The following CLASP1 variants were observed in gnomAD, a reference collection of about 807,000 sequenced individuals.
CLASP1 encodes the protein cytoplasmic linker associated protein 1.
Under a neutral mutation model 192.3 loss-of-function variants are expected in CLASP1, and 38 were observed. That is an observed-to-expected ratio of 0.20 (90% CI 0.15 to 0.26). CLASP1 has a LOEUF of 0.26. Among genes scored for constraint, CLASP1 ranks in the 10% least tolerant of loss-of-function variants. The probability of loss-of-function intolerance (pLI) is 1.00; values close to 1 mark genes in which losing one functional copy is unlikely to be tolerated. For missense variants in CLASP1, 1,433 were observed against 1,932.5 expected, an observed-to-expected ratio of 0.74 and a Z score of 4.85; for synonymous variants, 691 against 712.8, an observed-to-expected ratio of 0.97 and a Z score of 0.49.
At chr2:121,429,676 A>C (rs2081048647) in intron 20 of CLASP1, among the ~76,000 whole-genome samples, 1 of 152,244 alleles carries the variant, frequency 6.6e-6, no homozygotes, top group Non-Finnish European at 1.5e-5. Flanking sequence ...TAATGGATTT[A>C]CTTATTTACC....
intron 37 of CLASP1, among the ~76,000 whole-genome samples, chr2:121,350,250 TCA>T (rs2064115616): frequency 1.3e-5 from 2 of 152,210 alleles, no homozygotes; most frequent in Non-Finnish European, 2.9e-5. Context: ...GCCCACAGCT[TCA>T]GTCATCCCAG....
intron 2 of CLASP1, chr2:121,530,908 T>TA: frequency 1.4e-6 from 1 of 697,750 alleles, no homozygotes; most frequent in Non-Finnish European, 2.6e-6. Flanking sequence ...GTTGCGCTAC[T>TA]GTCCAATGAG....
In CLASP1 at chr2:121,364,988, G is replaced by A. The variant is rs369627621; in HGVS notation, c.4077+106C>T. ...ACAAATAAATGTTTTGATGTAAACA[G>A]TAAGCACAACCCAGAAAGTAAAGCT... On this transcript the variant is annotated intron_variant, in intron 36 of 39. Transcript: ENST00000263710. The A allele has an allele frequency of 2.3e-5, 24 of 1,041,194 alleles. 1 individual carries two copies. Among genetic ancestry groups the A allele is most frequent in the African/African-American group, 1.6e-4 (10 of 63,482 alleles). The allele number at this position is 1,041,194 out of a possible 1,614,324, so 64.5% of individuals were successfully genotyped here.
intron 1 of CLASP1, among the ~76,000 whole-genome samples, chr2:121,642,961 C>T (rs1405359976): frequency 2.6e-5 from 4 of 152,190 alleles, no homozygotes; most frequent in Non-Finnish European, 4.4e-5. Flanking sequence ...CTCCACTGGT[C>T]TCTCAACTTT....
chr2:121,625,680 C>T (rs1204536679), intron 1 of CLASP1, among the ~76,000 whole-genome samples: 3 of 151,724 alleles, frequency 2.0e-5, no homozygotes, highest in Non-Finnish European at 4.4e-5. Context: ...GTGATCTGCC[C>T]GCCTTGGCCT....
At chr2:121,385,503 C>T (rs1275529394) in intron 32 of CLASP1, among the ~76,000 whole-genome samples, 3 of 152,170 alleles carry the variant, frequency 2.0e-5, no homozygotes, top group African/African-American at 7.2e-5. Context: ...TTGAAAAACA[C>T]AATTTTTAAT....
chr2:121,533,188 G>C (rs1253915386), intron 2 of CLASP1, among the ~76,000 whole-genome samples: 1 of 152,184 alleles, frequency 6.6e-6, no homozygotes. Flanking sequence ...GGAAACTCCC[G>C]AAGAAGACTG....
chr2:121,457,786 A>G, intron 13 of CLASP1, 29 bp from the exon 14 acceptor site: 1 of 1,539,774 alleles, frequency 6.5e-7, no homozygotes, highest in Non-Finnish European at 8.9e-7. Context: ...AACAGAGGTC[A>G]ACACTTGCAA....
At chr2:121,422,350 T>A (rs1170886376) in intron 22 of CLASP1, among the ~76,000 whole-genome samples, 1 of 152,204 alleles carries the variant, frequency 6.6e-6, no homozygotes. Flanking sequence ...TGTTTAATTA[T>A]TTCAAAGTAT....
chr2:121,615,077 C>T (rs1187368392), intron 1 of CLASP1, among the ~76,000 whole-genome samples: 3 of 152,186 alleles, frequency 2.0e-5, no homozygotes, highest in African/African-American at 7.2e-5. Context: ...CAGTGGCTCA[C>T]GCCTGTAATC....
rs142246861 is a variant in CLASP1 at position 121,572,297 on chromosome 2, G to A, written c.195+33404C>T. Among the ~76,000 whole-genome samples the A allele has an allele frequency of 9.3e-3, 1,409 of 152,130 alleles. 19 individuals carry two copies. The highest frequency in any genetic ancestry group is 0.032 in the African/African-American group (1,348 of 41,496). ...CAAAAAATTAGCAGGGCATGGTGGCGGGCACCTGTAGTCCCAGCTACTCAG... is the reference window on the plus strand; with the variant it reads ...CAAAAAATTAGCAGGGCATGGTGGCAGGCACCTGTAGTCCCAGCTACTCAG... On this transcript the variant is annotated intron_variant, in intron 2 of 39. Coordinates refer to ENST00000263710, the Ensembl canonical transcript of CLASP1.
chr2:121,391,654 G>A (rs1054525830), intron 30 of CLASP1, among the ~76,000 whole-genome samples: 1 of 152,170 alleles, frequency 6.6e-6, no homozygotes, highest in African/African-American at 2.4e-5. Flanking sequence ...AATAATCCCA[G>A]CACTTTGGGA....
At chr2:121,459,324 G>C (rs1419247526) in intron 12 of CLASP1, among the ~76,000 whole-genome samples, 1 of 151,986 alleles carries the variant, frequency 6.6e-6, no homozygotes, top group Non-Finnish European at 1.5e-5. Context: ...CAGCCCACCT[G>C]CCCCAGCTAG....
chr2:121,634,396 G>T (rs1306668494), intron 1 of CLASP1, among the ~76,000 whole-genome samples: 1 of 151,878 alleles, frequency 6.6e-6, no homozygotes, highest in Non-Finnish European at 1.5e-5. Context: ...CTGTTTTTAG[G>T]CCCATTTCTT....
chr2:121,468,605 C>A (rs1211135485), intron 9 of CLASP1, among the ~76,000 whole-genome samples: 1 of 152,128 alleles, frequency 6.6e-6, no homozygotes, highest in Non-Finnish European at 1.5e-5. Context: ...GGAATGCTAG[C>A]GATATTTGCA....
intron 34 of CLASP1, among the ~76,000 whole-genome samples, chr2:121,368,046 C>T (rs1420559767): frequency 2.6e-5 from 4 of 152,122 alleles, no homozygotes; most frequent in Non-Finnish European, 4.4e-5. Context: ...CTAGTCTTTA[C>T]GCTTTAAATC....
intron 35 of CLASP1, among the ~76,000 whole-genome samples, chr2:121,366,276 AG>A (rs1183916844): frequency 6.6e-6 from 1 of 152,226 alleles, no homozygotes; most frequent in African/African-American, 2.4e-5. Flanking sequence ...CACTTCTCCC[AG>A]GAAGTGCCAG....
At chr2:121,563,143 T>C (rs2059231805) in intron 2 of CLASP1, among the ~76,000 whole-genome samples, 1 of 152,150 alleles carries the variant, frequency 6.6e-6, no homozygotes, top group Admixed American at 6.5e-5. Context: ...CTTCCCCCAA[T>C]GCCAAGTAGC....
chr2:121,630,310 T>C (rs1170287770), intron 1 of CLASP1, among the ~76,000 whole-genome samples: 2 of 151,816 alleles, frequency 1.3e-5, no homozygotes, highest in African/African-American at 2.4e-5. Flanking sequence ...AATCCTGATA[T>C]CACAATCATC....
Sources: allele counts gnomAD v4.1 joint callset (sites outside exome capture counted in the v4.1 genomes callset), GRCh38; gene constraint gnomAD v4.1.1; transcripts MANE v1.5; gene names NCBI Gene and HGNC (gene_info 2026-07-23, HGNC 2026-07-21).